Variants in TRPC5 observed in about 807,000 individuals in gnomAD.
TRPC5 encodes short transient receptor potential channel 5.
In TRPC5, 9 loss-of-function variants were observed where a neutral mutation model predicts 56.5. The ratio of observed to expected loss-of-function variants is 0.16; its 90% CI spans 0.10 to 0.28. The LOEUF (loss-of-function observed/expected upper bound fraction) is 0.28. Ranked by LOEUF, TRPC5 falls within the 10% of genes least tolerant of loss-of-function variation. The pLI, the probability that TRPC5 is intolerant of heterozygous loss-of-function variation, is 1.00. For synonymous variants in TRPC5, 282 were observed against 278.5 expected (o/e 1.01, Z -0.13); for missense variants, 469 against 748.9 (o/e 0.63, Z 4.36).
At chrX:112,006,207 A>G (rs748544464) in intron 1 of TRPC5, among the ~76,000 whole-genome samples, 2 of 111,321 alleles carry the variant, frequency 1.8e-5, no homozygotes, top group Non-Finnish European at 3.8e-5. Context: ...TGAGAGGTAC[A>G]TGAAAGGGAA....
intron 4 of TRPC5, 54 bp from the exon 5 acceptor site, chrX:111,852,491 A>G (rs960221096): frequency 9.1e-7 from 1 of 1,100,220 alleles, no homozygotes; most frequent in Non-Finnish European, 1.2e-6. Context: ...CCTGCTCATC[A>G]TAGAAGGATT....
At chrX:111,812,449 AT>A (rs1457489228) in intron 7 of TRPC5, among the ~76,000 whole-genome samples, 1 of 112,152 alleles carries the variant, frequency 8.9e-6, no homozygotes, top group Non-Finnish European at 1.9e-5. Flanking sequence ...TTATGCAATA[AT>A]TTAGCAGAGA....
At chrX:111,777,758 A>G (rs755066860) in intron 10 of TRPC5, among the ~76,000 whole-genome samples, 3 of 111,828 alleles carry the variant, frequency 2.7e-5, no homozygotes, top group East Asian at 5.7e-4. Flanking sequence ...TGTCTAGAAC[A>G]TTCTTCTCCC....
intron 1 of TRPC5, among the ~76,000 whole-genome samples, chrX:112,054,281 G>A (rs780410748): frequency 1.8e-5 from 2 of 110,973 alleles, no homozygotes; most frequent in African/African-American, 6.6e-5. Context: ...GTAGTGGAAG[G>A]GGATGAATTG....
At chrX:111,845,755 A>G (rs999486168) in intron 6 of TRPC5, among the ~76,000 whole-genome samples, 3 of 112,214 alleles carry the variant, frequency 2.7e-5, no homozygotes, top group Non-Finnish European at 3.8e-5. Flanking sequence ...TTCCTAGTCA[A>G]CAGGCACTAG....
intron 1 of TRPC5, among the ~76,000 whole-genome samples, chrX:112,031,322 G>A (rs1929580089): frequency 8.9e-6 from 1 of 111,807 alleles, no homozygotes; most frequent in African/African-American, 3.2e-5. Context: ...TGCCTTGAAT[G>A]AAAGGTCTGA....
chrX:112,077,151 A>G (rs1569530792), intron 1 of TRPC5, among the ~76,000 whole-genome samples: 1 of 111,528 alleles, frequency 9.0e-6, no homozygotes, highest in Non-Finnish European at 1.9e-5. Flanking sequence ...GGCAAAGTGC[A>G]TGTTTACACA....
chrX:111,997,256 G>T (rs1881041443), intron 1 of TRPC5, among the ~76,000 whole-genome samples: 1 of 111,363 alleles, frequency 9.0e-6, no homozygotes, highest in Admixed American at 9.6e-5. Flanking sequence ...CTTCACTTAT[G>T]AAGCTTAGTT....
chrX:112,055,837 G>C (rs1159199908), intron 1 of TRPC5, among the ~76,000 whole-genome samples: 2 of 109,241 alleles, frequency 1.8e-5, no homozygotes, highest in Non-Finnish European at 3.8e-5. Flanking sequence ...TAGAAATCAA[G>C]AAAACTTGAA....
intron 3 of TRPC5, among the ~76,000 whole-genome samples, chrX:111,879,060 G>A (rs1206030124): frequency 8.9e-6 from 1 of 111,978 alleles, no homozygotes; most frequent in African/African-American, 3.2e-5. Context: ...GGTGTGTAAT[G>A]TTTCTGCAAC....
At chrX:111,865,436 C>G (rs1271394869) in intron 3 of TRPC5, among the ~76,000 whole-genome samples, 1 of 109,414 alleles carries the variant, frequency 9.1e-6, no homozygotes, top group Non-Finnish European at 1.9e-5. Context: ...AAGCAATTCT[C>G]CTGCCTCAGC....
intron 7 of TRPC5, among the ~76,000 whole-genome samples, chrX:111,789,085 A>G (rs1182354582): frequency 2.7e-5 from 3 of 112,196 alleles, no homozygotes; most frequent in Non-Finnish European, 3.8e-5. Flanking sequence ...ACATGGAACT[A>G]AAAAAGAGCC....
intron 7 of TRPC5, among the ~76,000 whole-genome samples, chrX:111,795,201 A>T (rs1386487566): frequency 1.8e-5 from 2 of 111,035 alleles, no homozygotes; most frequent in East Asian, 2.8e-4. Context: ...GAGAGTAGAT[A>T]TACTATCTTT....
intron 2 of TRPC5, among the ~76,000 whole-genome samples, chrX:111,948,836 T>C (rs1005000189): frequency 3.6e-5 from 4 of 111,612 alleles, no homozygotes; most frequent in Non-Finnish European, 7.5e-5. Context: ...TGATCCTTTT[T>C]AAGGATACAC....
At chrX:111,914,331 A>G (rs1925911415) in intron 2 of TRPC5, among the ~76,000 whole-genome samples, 1 of 112,201 alleles carries the variant, frequency 8.9e-6, no homozygotes, top group African/African-American at 3.2e-5. Flanking sequence ...ATGTAAGCAG[A>G]GAGACAAATC....
chrX:112,010,029 T>C (rs903667767), intron 1 of TRPC5, among the ~76,000 whole-genome samples: 10 of 112,093 alleles, frequency 8.9e-5, no homozygotes, highest in African/African-American at 3.2e-4. Context: ...TAGGATACTC[T>C]AGTAGTTTAG....
chrX:111,834,105 T>G (rs1922492654), intron 7 of TRPC5, among the ~76,000 whole-genome samples: 1 of 112,053 alleles, frequency 8.9e-6, no homozygotes. Flanking sequence ...TAAGGTTAGA[T>G]ATCTACTTTG....
intron 1 of TRPC5, among the ~76,000 whole-genome samples, chrX:111,997,229 A>G (rs1928561694): frequency 9.0e-6 from 1 of 111,527 alleles, no homozygotes; most frequent in African/African-American, 3.3e-5. Flanking sequence ...GCTTGTCTGT[A>G]AAGGACTTTA....
intron 1 of TRPC5, among the ~76,000 whole-genome samples, chrX:111,969,153 C>T (rs1030150530): frequency 3.5e-4 from 39 of 110,922 alleles, no homozygotes; most frequent in Non-Finnish European, 6.4e-4. Context: ...GTGGCAGGAC[C>T]CTCCACCAGC....
Sources: gnomAD v4.1 joint callset for allele counts (sites outside exome capture counted in the v4.1 genomes callset) on GRCh38, gnomAD v4.1.1 for gene constraint, MANE v1.5 for transcripts, NCBI Gene and HGNC (gene_info 2026-07-23, HGNC 2026-07-21) for gene names.